KCNH7: variants seen among roughly 807,000 people sequenced by gnomAD.
The protein encoded by KCNH7 is voltage-gated inwardly rectifying potassium channel KCNH7.
A neutral mutation model predicts 120.8 loss-of-function variants in KCNH7; 49 were observed. That is an observed-to-expected ratio of 0.41 (90% CI 0.32 to 0.51). The LOEUF is 0.51. KCNH7 is among the 20% of genes least tolerant of loss of function. The pLI, the probability that KCNH7 is intolerant of heterozygous loss-of-function variation, is 0.38. For missense variants in KCNH7, 1,097 were observed against 1,446.6 expected (o/e 0.76, Z 3.92); for synonymous variants, 547 against 516.1 (o/e 1.06, Z -0.81).
chr2:162,414,600 T>C (rs75782929), intron 9 of KCNH7, among the ~76,000 whole-genome samples: 3,080 of 152,040 alleles, frequency 0.02, 116 homozygotes, highest in African/African-American at 0.07. Context: ...GATTAAATTA[T>C]GCAACTATAT....
intron 2 of KCNH7, among the ~76,000 whole-genome samples, chr2:162,605,456 A>C (rs1253093797): frequency 2.0e-5 from 3 of 152,120 alleles, no homozygotes; most frequent in Non-Finnish European, 2.9e-5. Context: ...AAATCTGATT[A>C]GGATTCTTGT....
intron 9 of KCNH7, among the ~76,000 whole-genome samples, chr2:162,406,542 C>T (rs547833199): frequency 1.3e-5 from 2 of 151,912 alleles, no homozygotes; most frequent in East Asian, 3.9e-4. Context: ...TTTTCTGGGT[C>T]ATTAAATATA....
intron 10 of KCNH7, among the ~76,000 whole-genome samples, chr2:162,397,622 T>C (rs1174427672): frequency 1.3e-5 from 2 of 151,842 alleles, no homozygotes; most frequent in African/African-American, 2.4e-5. Context: ...GACTTCCCCA[T>C]CACCTCTGTG....
At chr2:162,419,637 C>G (rs1480892675) in intron 9 of KCNH7, among the ~76,000 whole-genome samples, 1 of 151,986 alleles carries the variant, frequency 6.6e-6, no homozygotes, top group Non-Finnish European at 1.5e-5. Context: ...GGAGTAAATT[C>G]TCCATTAAAT....
At chr2:162,543,950 A>C (rs564571223) in intron 2 of KCNH7, among the ~76,000 whole-genome samples, 1 of 152,180 alleles carries the variant, frequency 6.6e-6, no homozygotes, top group Non-Finnish European at 1.5e-5. Flanking sequence ...CAAATATTCA[A>C]TGATGCAGTT....
chr2:162,583,363 A>T (rs1336076752), intron 2 of KCNH7, among the ~76,000 whole-genome samples: 1 of 152,084 alleles, frequency 6.6e-6, no homozygotes, highest in African/African-American at 2.4e-5. Context: ...CCTGATACAC[A>T]GCAGGATATC....
intron 10 of KCNH7, among the ~76,000 whole-genome samples, chr2:162,398,657 T>C (rs1686986099): frequency 2.0e-5 from 3 of 151,918 alleles, no homozygotes; most frequent in Admixed American, 1.3e-4. Context: ...AGTCCATGGA[T>C]ATGTCTTAGC....
intron 2 of KCNH7, among the ~76,000 whole-genome samples, chr2:162,683,707 C>A (rs1293321109): frequency 6.6e-6 from 1 of 151,798 alleles, no homozygotes; most frequent in African/African-American, 2.4e-5. Context: ...ATTTTTAGTA[C>A]TTGTTGGGTG....
chr2:162,497,244 T>C (rs1029487921), intron 6 of KCNH7, among the ~76,000 whole-genome samples: 2 of 152,190 alleles, frequency 1.3e-5, no homozygotes, highest in African/African-American at 2.4e-5. Flanking sequence ...CTGTTCATAA[T>C]GAACAAAGTT....
intron 6 of KCNH7, among the ~76,000 whole-genome samples, chr2:162,493,195 C>A (rs1001699626): frequency 6.6e-6 from 1 of 152,000 alleles, no homozygotes; most frequent in Non-Finnish European, 1.5e-5. Flanking sequence ...TACCCTGAGT[C>A]CAGTAATTTC....
intron 2 of KCNH7, among the ~76,000 whole-genome samples, chr2:162,630,243 AT>A (rs1574194054): frequency 6.6e-6 from 1 of 152,130 alleles, no homozygotes; most frequent in East Asian, 1.9e-4. Context: ...CTACAAATAG[AT>A]AAACAATAGC....
intron 2 of KCNH7, among the ~76,000 whole-genome samples, chr2:162,604,790 A>G (rs1412725660): frequency 6.6e-6 from 1 of 151,854 alleles, no homozygotes. Context: ...CTTTTTTCAT[A>G]CTAAGGCCTT....
rs76670341 is a variant in KCNH7 at position 162,512,219 on chromosome 2, T to G, written c.913+435A>C. On this transcript the variant is annotated intron_variant, in intron 5 of 15. Coordinates refer to ENST00000332142, the MANE Select transcript of KCNH7 (RefSeq NM_033272.4). ...CCATACCCCCTGCCATCCAGGAACGTGAAACTAGTTTTGAGGAAACAAAAG... is the reference window on the plus strand; with the variant it reads ...CCATACCCCCTGCCATCCAGGAACGGGAAACTAGTTTTGAGGAAACAAAAG... Among the ~76,000 whole-genome samples the G allele has an allele frequency of 3.3e-5, 5 of 151,906 alleles. No individual in the cohort carries two copies. In the East Asian group the frequency reaches 7.8e-4, roughly 24 times the overall value.
At chr2:162,399,508 C>T (rs565427390) in intron 10 of KCNH7, among the ~76,000 whole-genome samples, 1 of 151,904 alleles carries the variant, frequency 6.6e-6, no homozygotes, top group East Asian at 1.9e-4. Context: ...TCTCCTAATG[C>T]TATCCCTCCC....
chr2:162,742,748 G>C (rs1428908749), intron 2 of KCNH7, among the ~76,000 whole-genome samples: 1 of 152,150 alleles, frequency 6.6e-6, no homozygotes, highest in Non-Finnish European at 1.5e-5. Flanking sequence ...ACCTCCCTAT[G>C]ATATAGATGG....
At chr2:162,694,140 T>C (rs905038618) in intron 2 of KCNH7, among the ~76,000 whole-genome samples, 1 of 152,164 alleles carries the variant, frequency 6.6e-6, no homozygotes. Context: ...TAACCACCAG[T>C]TTTAAATCTC....
chr2:162,543,917 T>TA (rs562293720), intron 2 of KCNH7, among the ~76,000 whole-genome samples: 39 of 152,154 alleles, frequency 2.6e-4, no homozygotes, highest in Admixed American at 5.9e-4. Flanking sequence ...TTTCTCAATT[T>TA]AAAAAAGTGA....
intron 2 of KCNH7, among the ~76,000 whole-genome samples, chr2:162,737,929 G>T (rs1302527276): frequency 2.6e-5 from 4 of 151,988 alleles, no homozygotes; most frequent in Admixed American, 1.3e-4. Context: ...GCCACGTATG[G>T]TGGCGCATGC....
intron 8 of KCNH7, among the ~76,000 whole-genome samples, chr2:162,434,654 C>T (rs771971984): frequency 5.9e-5 from 9 of 151,358 alleles, no homozygotes; most frequent in Non-Finnish European, 1.3e-4. Flanking sequence ...TAGTCAATGA[C>T]AGGGAAAATT....
Sources: gnomAD v4.1 joint callset for allele counts (sites outside exome capture counted in the v4.1 genomes callset) on GRCh38, gnomAD v4.1.1 for gene constraint, MANE v1.5 for transcripts, NCBI Gene and HGNC (gene_info 2026-07-23, HGNC 2026-07-21) for gene names.